Variants in DDAH1 observed in about 807,000 individuals in gnomAD.
The protein encoded by DDAH1 is dimethylarginine dimethylaminohydrolase 1.
Under a neutral mutation model 28.8 loss-of-function variants are expected in DDAH1, and 19 were observed. The ratio of observed to expected loss-of-function variants is 0.66; its 90% CI spans 0.46 to 0.97. The LOEUF (loss-of-function observed/expected upper bound fraction) is 0.97, where lower values mean the gene tolerates loss of function less well. DDAH1 is among the 50% of genes least tolerant of loss of function. The pLI, the probability that DDAH1 is intolerant of heterozygous loss-of-function variation, is 0.00. For synonymous variants in DDAH1, 153 were observed against 154.4 expected (o/e 0.99, Z 0.07); for missense variants, 326 against 375.9 (o/e 0.87, Z 1.10).
intron 1 of DDAH1, among the ~76,000 whole-genome samples, chr1:85,550,848 A>G (rs1379252767): frequency 6.6e-6 from 1 of 152,196 alleles, no homozygotes; most frequent in Admixed American, 6.5e-5. Flanking sequence ...TGCTCTAGCC[A>G]TTTGAAAGCA....
chr1:85,324,697 G>A (rs369318140), intron 5 of DDAH1, 43 bp downstream of exon 5: 14 of 1,609,046 alleles, frequency 8.7e-6, no homozygotes, highest in African/African-American at 2.7e-5. Context: ...AATCCCCAGG[G>A]AGGCTGACCC....
chr1:85,498,029 A>G lies in DDAH1; in HGVS notation c.-122-1748T>C, dbSNP rs79428618. The stretch of plus-strand genomic sequence containing the variant: ...TAAAACTTGCCTTCCAGAAGGAAAT[A>G]TATCTCTTCAAATTATACTTCATTA... On this transcript the variant is annotated intron_variant, in intron 1 of 6. Coordinates refer to the DDAH1 transcript ENST00000426972. 3.1e-3 allele frequency among the ~76,000 whole-genome samples: 479 copies of G among 152,334 alleles called. 2 individuals are homozygous for G. Among genetic ancestry groups the G allele is most frequent in the Non-Finnish European group, 5.3e-3 (359 of 68,030 alleles).
intron 4 of DDAH1, among the ~76,000 whole-genome samples, chr1:85,336,030 A>C (rs2100811280): frequency 6.6e-6 from 1 of 152,188 alleles, no homozygotes; most frequent in South Asian, 2.1e-4. Flanking sequence ...AAATGTCATT[A>C]GATCTAAAGG....
At chr1:85,575,600 G>A (rs1315915316) in intron 1 of DDAH1, among the ~76,000 whole-genome samples, 5 of 152,304 alleles carry the variant, frequency 3.3e-5, no homozygotes, top group African/African-American at 1.2e-4. Flanking sequence ...ACAGCTTCAG[G>A]TAATTTATCA....
rs1045794980 is a variant in DDAH1, at chr1:85,446,761, G to C, written c.303+17982C>G. On this transcript the variant is annotated intron_variant, in intron 1 of 5. Coordinates refer to ENST00000284031, the MANE Select transcript of DDAH1 (RefSeq NM_012137.4). ...CTAGCATATGGCTTAGTGTCATGGA[G>C]ATGTATCAAGTTTCTGGGTAGAAAC... Among the ~76,000 whole-genome samples, 11 of 152,014 alleles carry C rather than the reference G, an allele frequency of 7.2e-5. 1 individual carries two copies. The highest frequency in any genetic ancestry group is 2.7e-4 in the African/African-American group (11 of 41,374).
At chr1:85,431,167 T>G (rs1191254190) in intron 1 of DDAH1, among the ~76,000 whole-genome samples, 3 of 152,220 alleles carry the variant, frequency 2.0e-5, no homozygotes, top group Non-Finnish European at 4.4e-5. Context: ...TTTTTGTCAT[T>G]GGTTCTGTTT....
intron 1 of DDAH1, among the ~76,000 whole-genome samples, chr1:85,445,607 A>G (rs1146381): frequency 0.52 from 79,512 of 151,940 alleles, 21,097 homozygotes; most frequent in Middle Eastern, 0.61. Context: ...GGATTAATTT[A>G]CTTACCTACT....
At chr1:85,550,236 G>A (rs531889762) in intron 1 of DDAH1, among the ~76,000 whole-genome samples, 2 of 152,216 alleles carry the variant, frequency 1.3e-5, no homozygotes, top group East Asian at 3.9e-4. Context: ...TAGGAAACAA[G>A]GACAGAAATT....
chr1:85,500,890 T>A (rs940956645), intron 1 of DDAH1, among the ~76,000 whole-genome samples: 2 of 152,104 alleles, frequency 1.3e-5, no homozygotes, highest in Non-Finnish European at 2.9e-5. Context: ...ATTTTAGGTG[T>A]TACATTTTTC....
intron 1 of DDAH1, among the ~76,000 whole-genome samples, chr1:85,571,512 G>A (rs1223732884): frequency 6.6e-6 from 1 of 152,198 alleles, no homozygotes. Flanking sequence ...CCACAGTATT[G>A]TATTATCTGT....
chr1:85,516,852 A>T (rs1444729996), intron 1 of DDAH1, among the ~76,000 whole-genome samples: 2 of 152,072 alleles, frequency 1.3e-5, no homozygotes, highest in Non-Finnish European at 2.9e-5. Context: ...ACAACTAAGT[A>T]GTTCTGTGTT....
intron 5 of DDAH1, among the ~76,000 whole-genome samples, chr1:85,323,810 A>C (rs934271493): frequency 6.6e-6 from 1 of 151,986 alleles, no homozygotes; most frequent in African/African-American, 2.4e-5. Flanking sequence ...GTCTCTACAA[A>C]AAATAAAAAA....
chr1:85,463,313 C>A (rs527363047), intron 1 of DDAH1, among the ~76,000 whole-genome samples: 3 of 152,332 alleles, frequency 2.0e-5, no homozygotes, highest in African/African-American at 7.2e-5. Flanking sequence ...GTGACAGTCT[C>A]TTGAGAAGAA....
intron 1 of DDAH1, among the ~76,000 whole-genome samples, chr1:85,569,770 C>T (rs780675694): frequency 6.6e-5 from 10 of 152,290 alleles, no homozygotes; most frequent in Admixed American, 3.9e-4. Context: ...GTGCAGGAAG[C>T]CCAGAGGAAA....
intron 1 of DDAH1, among the ~76,000 whole-genome samples, chr1:85,512,879 T>A (rs1657297365): frequency 6.6e-6 from 1 of 152,218 alleles, no homozygotes; most frequent in Non-Finnish European, 1.5e-5. Flanking sequence ...GAGTATTCCA[T>A]GATCATGGAT....
At chr1:85,456,547 G>C (rs1654889330) in intron 1 of DDAH1, among the ~76,000 whole-genome samples, 1 of 152,154 alleles carries the variant, frequency 6.6e-6, no homozygotes, top group African/African-American at 2.4e-5. Flanking sequence ...TTTTAAAGTA[G>C]GCTTTGTGTT....
At chr1:85,460,110 A>G (rs1284321090) in intron 1 of DDAH1, among the ~76,000 whole-genome samples, 3 of 152,206 alleles carry the variant, frequency 2.0e-5, no homozygotes, top group African/African-American at 7.2e-5. Context: ...AATAGGGTTA[A>G]TAATACCACC....
intron 1 of DDAH1, among the ~76,000 whole-genome samples, chr1:85,395,588 C>T (rs1365004156): frequency 6.6e-6 from 1 of 151,784 alleles, no homozygotes; most frequent in African/African-American, 2.4e-5. Flanking sequence ...AGGAGAATCG[C>T]TTGAACCTGG....
At chr1:85,396,150 G>T (rs1179665947) in intron 1 of DDAH1, among the ~76,000 whole-genome samples, 4 of 152,032 alleles carry the variant, frequency 2.6e-5, no homozygotes, top group Non-Finnish European at 5.9e-5. Flanking sequence ...TCCTATTTTT[G>T]ATCAAGTGTT....
Sources: gnomAD v4.1 joint callset for allele counts (sites outside exome capture counted in the v4.1 genomes callset) on GRCh38, gnomAD v4.1.1 for gene constraint, MANE v1.5 for transcripts, NCBI Gene and HGNC (gene_info 2026-07-23, HGNC 2026-07-21) for gene names.